Variants in CAPS2 observed in about 807,000 individuals in gnomAD.
The protein encoded by CAPS2 is calcyphosine 2, also known as calcyphosin-2.
CAPS2 carries 98 observed loss-of-function variants against 86.5 expected under a neutral mutation model. That is an observed-to-expected ratio of 1.13 (90% CI 0.96 to 1.34). The LOEUF (loss-of-function observed/expected upper bound fraction) is 1.34, where lower values mean the gene tolerates loss of function less well. Ranked by LOEUF, CAPS2 falls within the 40% of genes most tolerant of loss-of-function variation. The pLI is 0.00. For missense variants in CAPS2, 729 were observed against 686.8 expected, an observed-to-expected ratio of 1.06 and a Z score of -0.69; for synonymous variants, 210 against 225.1, an observed-to-expected ratio of 0.93 and a Z score of 0.60.
Position 75,323,232 on chromosome 12 carries a change from A to C in CAPS2, c.132-10T>G. The C allele has an allele frequency of 6.5e-7, 1 of 1,540,920 alleles. No homozygotes were observed. Among genetic ancestry groups the C allele is most frequent in the Non-Finnish European group, 8.8e-7 (1 of 1,141,550 alleles). The stretch of plus-strand genomic sequence containing the variant: ...ATCAAGTCGTGGGACCCTGAAAGAC[A>C]TAATCTATGTATCCCGTAACTTTTT... On this transcript the variant is annotated splice_polypyrimidine_tract_variant and intron_variant, in intron 2 of 16. Coordinates refer to ENST00000393284, the Ensembl canonical transcript of CAPS2.
chr12:75,305,509 G>A (rs2038351949), intron 7 of CAPS2: 5 of 609,488 alleles, frequency 8.2e-6, no homozygotes, highest in African/African-American at 5.5e-5. Flanking sequence ...CAGCTCCGAG[G>A]TGCATAGCAA....
At chr12:75,377,106 C>G (rs1475222907) in intron 1 of CAPS2, among the ~76,000 whole-genome samples, 1 of 152,172 alleles carries the variant, frequency 6.6e-6, no homozygotes, top group Non-Finnish European at 1.5e-5. Context: ...TTTTGCATAA[C>G]TCTTTAAACA....
intron 11 of CAPS2, among the ~76,000 whole-genome samples, chr12:75,294,235 C>T (rs537795659): frequency 1.1e-4 from 17 of 152,274 alleles, no homozygotes; most frequent in Admixed American, 2.0e-4. Flanking sequence ...TGAGCCACCA[C>T]GCCTGGCCAA....
chr12:75,331,478 T>C (rs960828140), upstream of CAPS2, among the ~76,000 whole-genome samples: 2 of 152,142 alleles, frequency 1.3e-5, no homozygotes, highest in Admixed American at 6.5e-5. Context: ...CTCCATAAAA[T>C]TCATCTATCC....
intron 7 of CAPS2, among the ~76,000 whole-genome samples, chr12:75,311,544 T>C (rs1048234846): frequency 6.6e-5 from 10 of 151,788 alleles, no homozygotes; most frequent in African/African-American, 2.4e-4. Context: ...GGCATGATAC[T>C]GGATGAGATC....
intron 1 of CAPS2, among the ~76,000 whole-genome samples, chr12:75,349,053 C>A (rs1472402461): frequency 1.3e-5 from 2 of 151,758 alleles, no homozygotes; most frequent in Non-Finnish European, 2.9e-5. Context: ...AAAAGAGTAC[C>A]AGAGAAAAGA....
intron 1 of CAPS2, chr12:75,365,231 T>G (rs1381152497): frequency 3.9e-5 from 6 of 152,182 alleles, no homozygotes; most frequent in Admixed American, 3.9e-4. Context: ...TCAAATCATC[T>G]GTTGTCTTCA....
chr12:75,362,832 C>T (rs2139613983), intron 1 of CAPS2, among the ~76,000 whole-genome samples: 1 of 152,192 alleles, frequency 6.6e-6, no homozygotes, highest in Non-Finnish European at 1.5e-5. Context: ...AAAAACTTTG[C>T]AACTATCACA....
chr12:75,319,984 C>T (rs1190870433), intron 5 of CAPS2, among the ~76,000 whole-genome samples: 1 of 152,038 alleles, frequency 6.6e-6, no homozygotes, highest in East Asian at 1.9e-4. Context: ...AATTATTATA[C>T]AGAGAATCTA....
intron 1 of CAPS2, among the ~76,000 whole-genome samples, chr12:75,381,120 G>C (rs574482836): frequency 1.3e-5 from 2 of 152,142 alleles, no homozygotes; most frequent in South Asian, 2.1e-4. Flanking sequence ...AGGGACCCAG[G>C]GGGAGGTAAC....
intron 1 of CAPS2, among the ~76,000 whole-genome samples, chr12:75,373,208 C>T (rs1426065281): frequency 6.6e-6 from 1 of 152,142 alleles, no homozygotes; most frequent in African/African-American, 2.4e-5. Context: ...TCATCCCTGC[C>T]ATGATGGCAA....
chr12:75,281,598 T>C (rs953726377), intron 16 of CAPS2, among the ~76,000 whole-genome samples: 1 of 152,028 alleles, frequency 6.6e-6, no homozygotes, highest in African/African-American at 2.4e-5. Context: ...TGAAAATTCA[T>C]AGAGTAAGTA....
chr12:75,315,774 G>C (rs1030044164), intron 6 of CAPS2, among the ~76,000 whole-genome samples: 2 of 152,052 alleles, frequency 1.3e-5, no homozygotes, highest in Admixed American at 6.6e-5. Context: ...CAAGCAGCTT[G>C]GTCCCTTACC....
chr12:75,333,944 T>C (rs571498429), upstream of CAPS2: 1 of 152,322 alleles, frequency 6.6e-6, no homozygotes, highest in African/African-American at 2.4e-5. Context: ...TTATATTGCA[T>C]TGCAGGTAAA....
chr12:75,358,261 C>T (rs2043285509), intron 1 of CAPS2, among the ~76,000 whole-genome samples: 1 of 151,620 alleles, frequency 6.6e-6, no homozygotes, highest in African/African-American at 2.4e-5. Context: ...ACAAAAATTA[C>T]ACAGGAGAAA....
chr12:75,371,286 A>G (rs1233738764), intron 1 of CAPS2: 1 of 156,872 alleles, frequency 6.4e-6, no homozygotes, highest in Non-Finnish European at 1.4e-5. Context: ...TGAGGGCAGG[A>G]AGCATCCAGC....
chr12:75,298,053 C>T (rs1210959183), intron 11 of CAPS2: 1 of 152,244 alleles, frequency 6.6e-6, no homozygotes, highest in African/African-American at 2.4e-5. Context: ...ACTGTTCCAT[C>T]TACAGATCTT....
At chr12:75,325,243 G>A (rs991413504) in exon 2 of CAPS2, 57 of 1,548,848 alleles carry the variant, frequency 3.7e-5, no homozygotes, top group Non-Finnish European at 4.9e-5. Context: ...ACTTACACTG[G>A]TGGGCAAGAA....
At chr12:75,289,525 G>C in intron 14 of CAPS2, 96 bp downstream of exon 14, 3 of 1,104,964 alleles carry the variant, frequency 2.7e-6, no homozygotes, top group Non-Finnish European at 3.8e-6. Context: ...TAGAGAAGGA[G>C]AAAATAAATG....
Sources: gnomAD v4.1 joint callset for allele counts (sites outside exome capture counted in the v4.1 genomes callset) on GRCh38, gnomAD v4.1.1 for gene constraint, MANE v1.5 for transcripts, NCBI Gene and HGNC (gene_info 2026-07-23, HGNC 2026-07-21) for gene names.